The following FOXP2 variants were observed in gnomAD, a reference collection of about 807,000 sequenced individuals.
The protein encoded by FOXP2 is forkhead box P2, also known as forkhead box protein P2.
A neutral mutation model predicts 115.8 loss-of-function variants in FOXP2; 12 were observed. That is an observed-to-expected ratio of 0.10 (90% confidence interval 0.07 to 0.17). The LOEUF (loss-of-function observed/expected upper bound fraction) is 0.17. FOXP2 is among the 10% of genes least tolerant of loss of function. The probability of loss-of-function intolerance (pLI) is 1.00; values close to 1 mark genes in which losing one functional copy is unlikely to be tolerated. For missense variants in FOXP2, 629 were observed against 843.5 expected (o/e 0.75, Z 3.15); for synonymous variants, 328 against 297.7 (o/e 1.10, Z -1.05).
rs530763289 is a variant in FOXP2, at chr7:114,311,136, T to C, written c.-11+23027T>C. On this transcript the variant is annotated intron_variant, in intron 2 of 17. Coordinates refer to the FOXP2 transcript ENST00000634411. ...TGGCGCTGGCTGTGACCAATTATTT[T>C]AGAGAGATGGTTAACAACCACCTGA... is the stretch of plus-strand genomic sequence containing the variant. Among the ~76,000 whole-genome samples, 9 of 152,226 alleles carry C rather than the reference T, an allele frequency of 5.9e-5. No individual in the cohort carries two copies. The South Asian group carries it at 1.9e-3, about 32-fold the overall frequency.
At chr7:114,482,530 C>T (rs750904982) in intron 2 of FOXP2, among the ~76,000 whole-genome samples, 23 of 151,430 alleles carry the variant, frequency 1.5e-4, no homozygotes, top group Admixed American at 2.6e-4. Context: ...GTCTTTATCA[C>T]GAAGAAAAAA....
At chr7:114,564,218 T>C (rs1386834759) in intron 3 of FOXP2, among the ~76,000 whole-genome samples, 1 of 145,124 alleles carries the variant, frequency 6.9e-6, no homozygotes, top group Non-Finnish European at 1.5e-5. Flanking sequence ...GGCATAATCC[T>C]AAACCTTTTG....
intron 2 of FOXP2, among the ~76,000 whole-genome samples, chr7:114,447,696 A>G (rs1794896095): frequency 6.6e-6 from 1 of 152,172 alleles, no homozygotes; most frequent in African/African-American, 2.4e-5. Context: ...TGAGATTTAA[A>G]GTCATTTCGG....
chr7:114,250,130 A>G (rs1562836052), intron 1 of FOXP2, among the ~76,000 whole-genome samples: 1 of 151,624 alleles, frequency 6.6e-6, no homozygotes, highest in East Asian at 1.9e-4. Flanking sequence ...ACATGAACTC[A>G]TTTTTTATGG....
At chr7:114,464,513 G>A (rs1795721616) in intron 2 of FOXP2, among the ~76,000 whole-genome samples, 1 of 152,182 alleles carries the variant, frequency 6.6e-6, no homozygotes, top group Admixed American at 6.5e-5. Flanking sequence ...ATAAGATAAA[G>A]AAATAAGGAG....
chr7:114,545,622 A>T (rs117693704), intron 3 of FOXP2, among the ~76,000 whole-genome samples: 1,527 of 152,296 alleles, frequency 0.01, 10 homozygotes, highest in Non-Finnish European at 0.017. Context: ...ATAGATTGAT[A>T]GTTGTCTGCT....
chr7:114,176,308 C>T (rs1413934631), intron 1 of FOXP2, among the ~76,000 whole-genome samples: 4 of 144,240 alleles, frequency 2.8e-5, no homozygotes, highest in African/African-American at 8.2e-5. Context: ...TTCTCTCTCT[C>T]TCTCTCTCTC....
At chr7:114,252,436 T>C (rs1315416931) in intron 1 of FOXP2, among the ~76,000 whole-genome samples, 2 of 152,178 alleles carry the variant, frequency 1.3e-5, no homozygotes, top group Admixed American at 1.3e-4. Flanking sequence ...CTTTTTTTGG[T>C]TGGTAAGCTA....
At chr7:114,103,634 C>G (rs768311030) in intron 1 of FOXP2, among the ~76,000 whole-genome samples, 26 of 151,944 alleles carry the variant, frequency 1.7e-4, no homozygotes, top group Non-Finnish European at 3.2e-4. Flanking sequence ...ATGGGCAAAT[C>G]CACAATACTC....
At position 114,474,210 on chromosome 7, in the gene FOXP2, G is replaced by C. The variant is rs1382288529; in HGVS notation, c.168+47531G>C. On this transcript the variant is annotated intron_variant, in intron 2 of 16. Coordinates refer to ENST00000350908, the MANE Select transcript of FOXP2 (RefSeq NM_014491.4). ...GATATCAGAACAACAGAATAGCAAA[G>C]TCCAATGTCTTCGTTATTAAATTAA... Among the ~76,000 whole-genome samples the C allele has an allele frequency of 2.0e-5, 3 of 152,148 alleles. No individual in the cohort carries two copies. The East Asian group carries it at 5.8e-4, about 29-fold the overall frequency.
intron 2 of FOXP2, among the ~76,000 whole-genome samples, chr7:114,386,699 CAT>C (rs1792463324): frequency 6.6e-6 from 1 of 152,154 alleles, no homozygotes; most frequent in Non-Finnish European, 1.5e-5. Flanking sequence ...AGCCAACATA[CAT>C]AGAGACAAGA....
At chr7:114,511,735 G>A (rs1730169578) in intron 2 of FOXP2, among the ~76,000 whole-genome samples, 1 of 152,018 alleles carries the variant, frequency 6.6e-6, no homozygotes, top group South Asian at 2.1e-4. Flanking sequence ...ATATTGTGAA[G>A]GATATTGTGG....
rs139884387 is a variant in FOXP2, at chr7:114,490,064, G to T, written c.169-44553G>T. 1.3e-3 allele frequency among the ~76,000 whole-genome samples: 205 copies of T among 152,228 alleles called. 1 individual carries two copies. The highest frequency in any genetic ancestry group is 0.01 in the Middle Eastern group (3 of 294). ...CATATTCTATATGATCAGCAATTGT[G>T]CTCTTCTGCATCCCCAAGGATTGAA... On this transcript the variant is annotated intron_variant, in intron 2 of 16. Coordinates refer to ENST00000350908, the MANE Select transcript of FOXP2 (RefSeq NM_014491.4).
At chr7:114,631,737 C>T in intron 6 of FOXP2, 32 bp downstream of exon 6, 1 of 1,607,766 alleles carries the variant, frequency 6.2e-7, no homozygotes, top group African/African-American at 1.3e-5. Context: ...CTCTTCATTT[C>T]AAATCTTGTA....
rs556383120 is a variant in FOXP2 at position 114,391,050 on chromosome 7, G to A, written c.-10-35452G>A. On this transcript the variant is annotated intron_variant, in intron 2 of 17. Coordinates refer to the FOXP2 transcript ENST00000634411. ...AAAAATACAAAAATTAGCTGGGCGT[G>A]GTGGCAGGTGCCTGTATTCCCAGGT... is the stretch of plus-strand genomic sequence containing the variant. Among the ~76,000 whole-genome samples, 148 of 152,184 alleles carry A rather than the reference G, an allele frequency of 9.7e-4. 1 individual carries two copies. The highest frequency in any genetic ancestry group is 3.4e-3 in the African/African-American group (140 of 41,522).
intron 2 of FOXP2, among the ~76,000 whole-genome samples, chr7:114,343,362 A>T (rs1213235360): frequency 6.6e-6 from 1 of 151,606 alleles, no homozygotes; most frequent in East Asian, 1.9e-4. Flanking sequence ...CTGTGTTTTT[A>T]CTGGCTACAT....
At chr7:114,652,095 C>T (rs528234076) in intron 8 of FOXP2, 108 bp from the exon 9 acceptor site, 1 of 967,896 alleles carries the variant, frequency 1.0e-6, no homozygotes, top group South Asian at 1.3e-5. Flanking sequence ...TTTCTGTTTT[C>T]CCAGTGCACA....
At chr7:114,445,112 A>G (rs34484237) in intron 2 of FOXP2, among the ~76,000 whole-genome samples, 10,570 of 152,046 alleles carry the variant, frequency 0.07, 517 homozygotes, top group Non-Finnish European at 0.097. Flanking sequence ...AAGAATTGCT[A>G]AACTTCATAC....
chr7:114,531,908 A>G (rs980851934), intron 2 of FOXP2, among the ~76,000 whole-genome samples: 16 of 151,964 alleles, frequency 1.1e-4, no homozygotes, highest in African/African-American at 3.9e-4. Context: ...GACATTACGT[A>G]GCATTGACAT....
Sources: gnomAD v4.1 joint callset for allele counts (sites outside exome capture counted in the v4.1 genomes callset) on GRCh38, gnomAD v4.1.1 for gene constraint, MANE v1.5 for transcripts, NCBI Gene and HGNC (gene_info 2026-07-23, HGNC 2026-07-21) for gene names.